MYH13: variants seen among roughly 807,000 people sequenced by gnomAD.
The protein encoded by MYH13 is myosin heavy chain 13, also known as myosin-13.
MYH13 carries 177 observed loss-of-function variants against 232.1 expected under a neutral mutation model. The ratio of observed to expected loss-of-function variants is 0.76; its 90% CI spans 0.67 to 0.86. MYH13 has a LOEUF of 0.86. Ranked by LOEUF, MYH13 falls within the 40% of genes least tolerant of loss-of-function variation. The pLI, the probability that MYH13 is intolerant of heterozygous loss-of-function variation, is 0.00. For synonymous variants in MYH13, 884 were observed against 923.5 expected (o/e 0.96, Z 0.78); for missense variants, 2,246 against 2,405.9 (o/e 0.93, Z 1.39).
chr17:10,320,443 C>A lies in MYH13; in HGVS notation c.3165G>T (p.Ala1055=), dbSNP rs771712416. The A allele has an allele frequency of 6.2e-7, 1 of 1,613,530 alleles. No individual in the cohort carries two copies. Residue 1055 remains alanine, a synonymous_variant, in exon 25 of 41, where the codon GCG becomes GCT. Coordinates refer to ENST00000252172, the MANE Select transcript of MYH13 (RefSeq NM_003802.3). ...EKKLRADLER[A]KRKLEGDLKM... ...TCAGATCTCCTTCCAGCTTCCTCTT[C>A]GCCCTTTCCAAGTCCGCCCGCAGTT...
rs375959547 is a variant in MYH13 at position 10,343,933 on chromosome 17, G to A, written c.1761C>T (p.Thr587=). The A allele has an allele frequency of 1.4e-5, 23 of 1,614,102 alleles. No homozygotes were observed. The highest frequency in any genetic ancestry group is 9.3e-5 in the African/African-American group (7 of 74,926). ...AHFSLVHYAG[T]VDYNIAGWLD... ...GCCAGCCGGCGATGTTGTAGTCCAC[G>A]GTGCCGGCATAGTGCACCAGCGAGA... The change falls in exon 16 of 41, where the codon ACC becomes ACT. Residue 587 remains threonine (T), a synonymous_variant. Transcript: ENST00000252172.
At chr17:10,366,905 T>C (rs1320236202) in intron 2 of MYH13, among the ~76,000 whole-genome samples, 2 of 152,190 alleles carry the variant, frequency 1.3e-5, no homozygotes, top group African/African-American at 4.8e-5. Flanking sequence ...TAAGTTGCAT[T>C]TTAGTTATAC....
intron 5 of MYH13, among the ~76,000 whole-genome samples, chr17:10,361,247 G>T (rs1210251168): frequency 6.6e-6 from 1 of 151,616 alleles, no homozygotes; most frequent in Non-Finnish European, 1.5e-5. Flanking sequence ...CATTGCATTA[G>T]ATGATTTTTA....
chr17:10,303,490 CT>C lies in MYH13; in HGVS notation c.5474del (p.Glu1825GlyfsTer17). 2.5e-6 allele frequency: 4 copies of C among 1,613,868 alleles called. No homozygotes were observed. Among genetic ancestry groups the C allele is most frequent in the Non-Finnish European group, 3.4e-6 (4 of 1,179,782 alleles). On this transcript the variant is annotated frameshift_variant, in exon 38 of 41. Coordinates refer to ENST00000252172, the MANE Select transcript of MYH13 (RefSeq NM_003802.3). LOFTEE classifies it high-confidence loss of function. ...GTTCCACATCAAGCTCATTTTCCAG[CT>C]CCCGCACCTGAGTAGGATGAAAGGA... Reference protein sequence around the residue: ...QIQKLENRVRELENELDVEQK... With the variant: ...QIQKLENRVRXLENELDVEQK...
At chr17:10,305,710 T>C (rs1017399270) in intron 37 of MYH13, among the ~76,000 whole-genome samples, 19 of 152,060 alleles carry the variant, frequency 1.2e-4, no homozygotes, top group African/African-American at 4.1e-4. Flanking sequence ...TTTAAAATGA[T>C]TGAAATAAAC....
In MYH13 at chr17:10,312,611, C is replaced by T; in HGVS notation, c.4328G>A (p.Cys1443Tyr). The T allele has an allele frequency of 6.2e-7, 1 of 1,613,416 alleles. No individual in the cohort carries two copies. Among genetic ancestry groups the T allele is most frequent in the South Asian group, 1.1e-5 (1 of 90,864 alleles). ...CCTCTGCTTCTTGTCCAGTGTGGCA[C>T]AGGCGGTGTGGGAGCGCTCCAGATC... ...MRDLERSHTA[C>Y]ATLDKKQRNF... Residue 1443 changes from cysteine (C) to tyrosine (Y), a missense_variant, in exon 31 of 41, where the codon TGT (cysteine) becomes TAT (tyrosine). Transcript: ENST00000252172.
chr17:10,313,326 T>A lies in MYH13; in HGVS notation c.4013A>T (p.Gln1338Leu), dbSNP rs1597885667. ...CAGGTCACAGTCGTGGCGGGAGGAC[T>A]GCAGGGCGTGCGCCATGGCGTTCTT... is the stretch of plus-strand genomic sequence containing the variant. ...KAKNAMAHAL[Q>L]SSRHDCDLLR... Residue 1338 changes from glutamine to leucine, a missense_variant, in exon 30 of 41, where the codon CAG (glutamine) becomes CTG (leucine). Physicochemically the swap from Gln to Leu is moderately radical, Grantham distance 113 (BLOSUM62 -2). Coordinates refer to ENST00000252172, the MANE Select transcript of MYH13 (RefSeq NM_003802.3). The A allele has an allele frequency of 6.2e-7, 1 of 1,614,146 alleles. No homozygotes were observed. Among genetic ancestry groups the A allele is most frequent in the South Asian group, 1.1e-5 (1 of 91,088 alleles).
chr17:10,312,247 G>A (rs1194177347), intron 31 of MYH13, among the ~76,000 whole-genome samples, 171 bp from the exon 32 acceptor site: 1 of 152,176 alleles, frequency 6.6e-6, no homozygotes, highest in Admixed American at 6.5e-5. Flanking sequence ...TGATATCCCT[G>A]CAGACCCTCT....
intron 18 of MYH13, among the ~76,000 whole-genome samples, chr17:10,334,755 T>G (rs982839556): frequency 3.9e-5 from 6 of 152,244 alleles, no homozygotes; most frequent in South Asian, 2.1e-4. Flanking sequence ...GGCAGGTGCC[T>G]GTAGTCTCAG....
chr17:10,337,477 G>A (rs1019025574), intron 18 of MYH13, among the ~76,000 whole-genome samples: 8 of 152,184 alleles, frequency 5.3e-5, no homozygotes, highest in Non-Finnish European at 1.0e-4. Flanking sequence ...AGCAAGCCCC[G>A]TATGTGCCTG....
intron 39 of MYH13, among the ~76,000 whole-genome samples, chr17:10,302,064 C>G (rs974012417): frequency 6.6e-6 from 1 of 152,218 alleles, no homozygotes; most frequent in Non-Finnish European, 1.5e-5. Flanking sequence ...CGTCCTGTGC[C>G]TCTGCCCAGC....
At position 10,333,672 on chromosome 17, in the gene MYH13, C is replaced by T. The variant is rs370973348; in HGVS notation, c.2057-481G>A. The stretch of plus-strand genomic sequence containing the variant: ...CTATAATCCCAGCACTTTGGGAGGC[C>T]GAGGTGGGTGTATCGCCTGAGGTCA... On this transcript the variant is annotated intron_variant, in intron 18 of 40. Coordinates refer to ENST00000252172, the MANE Select transcript of MYH13 (RefSeq NM_003802.3). Among the ~76,000 whole-genome samples the T allele has an allele frequency of 1.4e-4, 22 of 152,258 alleles. No homozygotes were observed. The East Asian group carries it at 3.1e-3, about 21-fold the overall frequency.
chr17:10,305,465 C>T (rs1906246099), intron 37 of MYH13, among the ~76,000 whole-genome samples: 2 of 152,138 alleles, frequency 1.3e-5, no homozygotes, highest in Non-Finnish European at 2.9e-5. Flanking sequence ...TAAAAAAAAT[C>T]CTTTCACATT....
intron 20 of MYH13, 50 bp downstream of exon 20, chr17:10,332,049 G>T: frequency 6.2e-7 from 1 of 1,609,062 alleles, no homozygotes; most frequent in Non-Finnish European, 8.5e-7. Context: ...CTAAGAAGCA[G>T]CCCAGGGCTG....
chr17:10,345,985 C>G, intron 13 of MYH13, among the ~76,000 whole-genome samples: 1 of 82,226 alleles, frequency 1.2e-5, no homozygotes, highest in Non-Finnish European at 2.2e-5. Flanking sequence ...TAGCGAGACT[C>G]TGTCTCAAAA....
chr17:10,322,353 G>C (rs761070826), intron 23 of MYH13, among the ~76,000 whole-genome samples: 23 of 152,232 alleles, frequency 1.5e-4, no homozygotes, highest in Non-Finnish European at 2.8e-4. Flanking sequence ...AGCTGAGATT[G>C]CACCACTGCA....
chr17:10,327,722 G>A, intron 22 of MYH13, 144 bp downstream of exon 22: 1 of 997,964 alleles, frequency 1.0e-6, no homozygotes, highest in East Asian at 2.7e-5. Context: ...CCTTTTACGA[G>A]CAAGGTGGTG....
At position 10,345,377 on chromosome 17, in the gene MYH13, G is replaced by A. The variant is rs373937805; in HGVS notation, c.1414-5C>T. ...CAGCTGCTCCAGGCTGTTGAACTGGGTGATTCAAATACCAAAGAATTTGAG... is the reference window on the plus strand; with the variant it reads ...CAGCTGCTCCAGGCTGTTGAACTGGATGATTCAAATACCAAAGAATTTGAG... On this transcript the variant is annotated splice_polypyrimidine_tract_variant and splice_region_variant and intron_variant, in intron 14 of 40. Transcript: ENST00000252172. 3 of 1,614,120 alleles carry A rather than the reference G, an allele frequency of 1.9e-6. No homozygotes were observed. The highest frequency in any genetic ancestry group is 2.7e-5 in the African/African-American group (2 of 74,934).
intron 16 of MYH13, among the ~76,000 whole-genome samples, chr17:10,341,789 G>T (rs955144520): frequency 6.6e-6 from 1 of 152,190 alleles, no homozygotes; most frequent in South Asian, 2.1e-4. Context: ...ATTGTGATTA[G>T]ATTCAAAGAA....
Sources: gnomAD v4.1 joint callset for allele counts (sites outside exome capture counted in the v4.1 genomes callset) on GRCh38, gnomAD v4.1.1 for gene constraint, MANE v1.5 for transcripts, NCBI Gene and HGNC (gene_info 2026-07-23, HGNC 2026-07-21) for gene names.